GPC5: variants seen among roughly 807,000 people sequenced by gnomAD.
GPC5 encodes the protein glypican-5.
In GPC5, 47 loss-of-function variants were observed where a neutral mutation model predicts 53.9. The observed-to-expected ratio is 0.87, with a 90% CI of 0.69 to 1.11. GPC5 has a LOEUF of 1.11. Among genes scored for constraint, GPC5 ranks in the 50% most tolerant of loss-of-function variants. The pLI is 0.00. For synonymous variants in GPC5, 286 were observed against 263.3 expected (o/e 1.09, Z -0.84); for missense variants, 748 against 713.1 (o/e 1.05, Z -0.56).
intron 7 of GPC5, among the ~76,000 whole-genome samples, chr13:92,786,414 G>A (rs1876234348): frequency 2.0e-5 from 3 of 152,038 alleles, no homozygotes; most frequent in African/African-American, 7.2e-5. Context: ...GAGATAACTG[G>A]ATAAGCAGAA....
chr13:91,824,350 G>A (rs1344736471), intron 5 of GPC5, among the ~76,000 whole-genome samples: 1 of 151,890 alleles, frequency 6.6e-6, no homozygotes, highest in Non-Finnish European at 1.5e-5. Context: ...TAGAAGGAGA[G>A]AGACTGAGGA....
chr13:92,197,917 A>C (rs1289363092), intron 7 of GPC5, among the ~76,000 whole-genome samples: 1 of 152,082 alleles, frequency 6.6e-6, no homozygotes, highest in East Asian at 1.9e-4. Context: ...ATTGCATGCC[A>C]ACAGTAGTAC....
chr13:92,781,006 T>C (rs1288310492), intron 7 of GPC5, among the ~76,000 whole-genome samples: 1 of 152,092 alleles, frequency 6.6e-6, no homozygotes, highest in Non-Finnish European at 1.5e-5. Context: ...TTAAAATAAA[T>C]GTGTCCTCAT....
chr13:91,425,360 C>G (rs1159526107), intron 1 of GPC5, among the ~76,000 whole-genome samples: 3 of 152,150 alleles, frequency 2.0e-5, no homozygotes, highest in African/African-American at 7.2e-5. Context: ...AGGCTTTGTG[C>G]CCCTACCCAA....
At chr13:92,457,508 C>T (rs1878316826) in intron 7 of GPC5, among the ~76,000 whole-genome samples, 1 of 152,078 alleles carries the variant, frequency 6.6e-6, no homozygotes, top group African/African-American at 2.4e-5. Flanking sequence ...AATCATTGCT[C>T]ACATTATCAG....
intron 7 of GPC5, among the ~76,000 whole-genome samples, chr13:92,739,897 G>A (rs1208345972): frequency 6.6e-6 from 1 of 151,980 alleles, no homozygotes; most frequent in South Asian, 2.1e-4. Context: ...TGTAGGAGTT[G>A]TTGTTCTTTT....
At chr13:91,440,089 G>T (rs542313349) in intron 1 of GPC5, among the ~76,000 whole-genome samples, 3 of 151,918 alleles carry the variant, frequency 2.0e-5, no homozygotes, top group Admixed American at 2.0e-4. Flanking sequence ...CATTTGTCTT[G>T]GGGTTCAAGG....
At chr13:91,959,678 CA>C (rs1290798230) in intron 6 of GPC5, among the ~76,000 whole-genome samples, 1 of 151,878 alleles carries the variant, frequency 6.6e-6, no homozygotes, top group African/African-American at 2.4e-5. Context: ...CATAGCACAT[CA>C]AAAGGATAAT....
chr13:92,685,222 A>C (rs1035615166), intron 7 of GPC5, among the ~76,000 whole-genome samples: 20 of 152,000 alleles, frequency 1.3e-4, no homozygotes, highest in African/African-American at 4.6e-4. Flanking sequence ...CCTCCTGAGT[A>C]GCTGTGATTA....
At chr13:92,510,335 A>G (rs1489723162) in intron 7 of GPC5, among the ~76,000 whole-genome samples, 1 of 152,196 alleles carries the variant, frequency 6.6e-6, no homozygotes, top group African/African-American at 2.4e-5. Flanking sequence ...TACCAGCCTA[A>G]TAACTTAACA....
At chr13:91,522,012 A>G (rs1411222640) in intron 2 of GPC5, among the ~76,000 whole-genome samples, 2 of 152,254 alleles carry the variant, frequency 1.3e-5, no homozygotes, top group East Asian at 3.8e-4. Flanking sequence ...ATGAAGAGAT[A>G]TATAAGGCTG....
At chr13:92,580,060 T>C (rs1883324484) in intron 7 of GPC5, among the ~76,000 whole-genome samples, 1 of 152,252 alleles carries the variant, frequency 6.6e-6, no homozygotes, top group Admixed American at 6.5e-5. Flanking sequence ...TCACTTAGGA[T>C]AACTTTGTAC....
At chr13:91,460,814 C>T (rs139318902) in intron 2 of GPC5, among the ~76,000 whole-genome samples, 139 of 151,618 alleles carry the variant, frequency 9.2e-4, no homozygotes, top group Middle Eastern at 3.4e-3. Context: ...GAAAATATTA[C>T]ACCATCATCC....
chr13:91,412,791 C>T (rs1450401017), intron 1 of GPC5, among the ~76,000 whole-genome samples: 1 of 152,140 alleles, frequency 6.6e-6, no homozygotes, highest in Non-Finnish European at 1.5e-5. Context: ...TGGAGAATTC[C>T]GCAGTATGAA....
At chr13:92,356,930 A>G (rs1298676934) in intron 7 of GPC5, among the ~76,000 whole-genome samples, 2 of 152,132 alleles carry the variant, frequency 1.3e-5, no homozygotes, top group African/African-American at 4.8e-5. Context: ...ATGTATTCTC[A>G]TCGTTTAGTG....
At chr13:91,936,142 G>T (rs930001793) in intron 6 of GPC5, among the ~76,000 whole-genome samples, 2 of 152,030 alleles carry the variant, frequency 1.3e-5, no homozygotes, top group African/African-American at 2.4e-5. Flanking sequence ...TGTTATAAAA[G>T]ATGATGCTCA....
At chr13:92,240,239 G>C (rs1033895616) in intron 7 of GPC5, 1 of 150,096 alleles carries the variant, frequency 6.7e-6, no homozygotes, top group Non-Finnish European at 1.5e-5. Context: ...AATATGAACC[G>C]TTTTTTCTCT....
At chr13:91,761,707 G>A (rs1002747970) in intron 5 of GPC5, among the ~76,000 whole-genome samples, 7 of 152,190 alleles carry the variant, frequency 4.6e-5, no homozygotes, top group African/African-American at 1.4e-4. Flanking sequence ...ATGAGCTTCC[G>A]TGTCCTCTCT....
chr13:92,195,943 G>A (rs1013423618), intron 7 of GPC5, among the ~76,000 whole-genome samples: 2 of 152,174 alleles, frequency 1.3e-5, no homozygotes, highest in African/African-American at 4.8e-5. Flanking sequence ...GGGGTTTAAG[G>A]AGAGTGTAGC....
Sources: gnomAD v4.1 joint callset for allele counts (sites outside exome capture counted in the v4.1 genomes callset) on GRCh38, gnomAD v4.1.1 for gene constraint, MANE v1.5 for transcripts, NCBI Gene and HGNC (gene_info 2026-07-23, HGNC 2026-07-21) for gene names.